BRWD3: variants seen among roughly 807,000 people sequenced by gnomAD.
BRWD3 encodes bromodomain and WD repeat-containing protein 3.
BRWD3 carries 10 observed loss-of-function variants against 149.7 expected under a neutral mutation model. The ratio of observed to expected loss-of-function variants is 0.07; its 90% CI spans 0.04 to 0.11. The LOEUF is 0.11. Among genes scored for constraint, BRWD3 ranks in the 10% least tolerant of loss-of-function variants. The pLI is 1.00. For missense variants in BRWD3, 940 were observed against 1,373.2 expected (o/e 0.68, Z 4.99); for synonymous variants, 504 against 456.7 (o/e 1.10, Z -1.32).
intron 6 of BRWD3, among the ~76,000 whole-genome samples, chrX:80,760,531 G>A (rs1280640290): frequency 1.8e-5 from 2 of 111,782 alleles, no homozygotes; most frequent in Non-Finnish European, 3.8e-5. Flanking sequence ...ACAGGAAAAT[G>A]CCATTTGAAG....
chrX:80,779,245 G>A (rs2074032377), intron 6 of BRWD3, among the ~76,000 whole-genome samples: 1 of 111,086 alleles, frequency 9.0e-6, no homozygotes, highest in Admixed American at 9.6e-5. Flanking sequence ...AACCCAGGAG[G>A]TGAAGGTTGC....
chrX:80,708,444 G>C (rs1158538802), intron 21 of BRWD3, among the ~76,000 whole-genome samples: 2 of 78,007 alleles, frequency 2.6e-5, no homozygotes, highest in Non-Finnish European at 4.7e-5. Context: ...CCTGAATAGT[G>C]ATAATTCTTT....
rs1463455854 is a variant in BRWD3, at chrX:80,676,486, T to A, written c.*123A>T. 30 of 878,344 alleles carry A rather than the reference T, an allele frequency of 3.4e-5. No homozygotes were observed. The highest frequency in any genetic ancestry group is 4.8e-6 in the Non-Finnish European group (3 of 623,138). The allele number at this position is 878,344 out of a possible 1,213,427, so 72.4% of individuals were successfully genotyped here. On this transcript the variant is annotated 3_prime_UTR_variant, in exon 41 of 41. Coordinates refer to ENST00000373275, the MANE Select transcript of BRWD3 (RefSeq NM_153252.5). ...TGAAACAAATGTATACTGGCATAAA[T>A]GGAAAAGCACCAATGTGAAAGGAAG...
chrX:80,751,711 C>A (rs2073669559), intron 6 of BRWD3, among the ~76,000 whole-genome samples: 1 of 110,441 alleles, frequency 9.1e-6, no homozygotes, highest in Non-Finnish European at 1.9e-5. Flanking sequence ...ACATCCATTC[C>A]CCTCCCACAG....
chrX:80,797,821 T>A (rs1451098031), intron 4 of BRWD3, among the ~76,000 whole-genome samples: 1 of 111,300 alleles, frequency 9.0e-6, no homozygotes, highest in Non-Finnish European at 1.9e-5. Flanking sequence ...TATGGCCGGG[T>A]GCAGTGGCTC....
chrX:80,712,829 T>C (rs2073003320), intron 20 of BRWD3, among the ~76,000 whole-genome samples: 1 of 102,954 alleles, frequency 9.7e-6, no homozygotes, highest in East Asian at 3.2e-4. Flanking sequence ...GGAGCGTCTC[T>C]GCCCAGCCGC....
At chrX:80,747,976 C>T (rs2073616141) in intron 6 of BRWD3, among the ~76,000 whole-genome samples, 2 of 111,291 alleles carry the variant, frequency 1.8e-5, no homozygotes, top group Non-Finnish European at 3.8e-5. Context: ...CTGGCTCAGA[C>T]TTCCTGTGCT....
At chrX:80,770,592 G>A (rs753344831) in intron 6 of BRWD3, among the ~76,000 whole-genome samples, 22 of 111,355 alleles carry the variant, frequency 2.0e-4, no homozygotes, top group South Asian at 3.8e-4. Flanking sequence ...GGTACTGATC[G>A]AACGTATTTC....
intron 6 of BRWD3, among the ~76,000 whole-genome samples, chrX:80,749,654 A>C (rs1310366097): frequency 9.0e-6 from 1 of 110,845 alleles, no homozygotes; most frequent in Non-Finnish European, 1.9e-5. Flanking sequence ...AATGTCAAAA[A>C]TGTCCATTCT....
Position 80,693,041 on chromosome X carries a change from G to A in BRWD3, c.3162C>T (p.Phe1054=). 1 of 1,198,244 alleles carries A rather than the reference G, an allele frequency of 8.3e-7. No homozygotes were observed. Residue 1054 remains phenylalanine, a synonymous_variant, in exon 28 of 41, where the codon TTC becomes TTT. Coordinates refer to ENST00000373275, the MANE Select transcript of BRWD3 (RefSeq NM_153252.5). ...ACCAGGCGTCATCTATTATACTGCG[G>A]AATCTATCACCTATAATGTTTTAAA... The part of the protein sequence containing the change: ...KERNWQIGDR[F]RSIIDDAWWF...
chrX:80,693,221 A>G (rs2072635489), intron 27 of BRWD3, among the ~76,000 whole-genome samples, 170 bp from the exon 28 acceptor site: 1 of 112,109 alleles, frequency 8.9e-6, no homozygotes, highest in African/African-American at 3.2e-5. Flanking sequence ...CTCTTTATGT[A>G]TTTTGATTTC....
chrX:80,690,970 A>G, intron 31 of BRWD3, 83 bp downstream of exon 31: 1 of 1,077,678 alleles, frequency 9.3e-7, no homozygotes, highest in Non-Finnish European at 1.3e-6. Context: ...ATCATGTTAT[A>G]CTATGGAAAT....
intron 4 of BRWD3, among the ~76,000 whole-genome samples, chrX:80,800,799 T>C (rs1251627909): frequency 9.0e-6 from 1 of 111,396 alleles, no homozygotes; most frequent in Non-Finnish European, 1.9e-5. Flanking sequence ...CTAGTTGCTC[T>C]TACAAAATGT....
At chrX:80,754,651 T>C (rs978696953) in intron 6 of BRWD3, among the ~76,000 whole-genome samples, 1 of 112,241 alleles carries the variant, frequency 8.9e-6, no homozygotes, top group Non-Finnish European at 1.9e-5. Context: ...TTATCATACA[T>C]GCCCTTTATT....
rs939185547 is a variant in BRWD3 at position 80,676,945 on chromosome X, G to A, written c.5073C>T (p.Gly1691=). 8 of 1,197,513 alleles carry A rather than the reference G, an allele frequency of 6.7e-6. No individual in the cohort carries two copies. Among genetic ancestry groups the A allele is most frequent in the Non-Finnish European group, 9.0e-6 (8 of 885,571 alleles). Residue 1691 remains glycine (G), a synonymous_variant, in exon 41 of 41, where the codon GGC becomes GGT. Transcript: ENST00000373275. The part of the protein sequence containing the change: ...RWSRGGRGRG[G]RGRGSRGRGG... Reference sequence around the variant, plus strand: ...CTCTTCCTCGACTCCCTCGTCCCCTGCCTCCTCTTCCTCTGCCTCCTCTAC... The same window carrying A: ...CTCTTCCTCGACTCCCTCGTCCCCTACCTCCTCTTCCTCTGCCTCCTCTAC...
At chrX:80,752,051 C>T (rs1229215628) in intron 6 of BRWD3, among the ~76,000 whole-genome samples, 2 of 105,103 alleles carry the variant, frequency 1.9e-5, no homozygotes, top group South Asian at 4.3e-4. Context: ...CTTGCTTTGT[C>T]GCCCAGGCTG....
At chrX:80,772,924 A>G (rs1255972239) in intron 6 of BRWD3, among the ~76,000 whole-genome samples, 1 of 112,316 alleles carries the variant, frequency 8.9e-6, no homozygotes, top group East Asian at 2.8e-4. Flanking sequence ...AGGAATGAAT[A>G]CTGACACTTG....
chrX:80,676,598 T>C lies in BRWD3; in HGVS notation c.*11A>G, dbSNP rs990826575. The C allele has an allele frequency of 8.3e-7, 1 of 1,209,535 alleles. No homozygotes were observed. Among genetic ancestry groups the C allele is most frequent in the South Asian group, 1.8e-5 (1 of 56,783 alleles). ...ATTGAATTTTTTAAGTTATTCTAAA[T>C]TTATTAACTGTTAATAATTCCATCC... On this transcript the variant is annotated 3_prime_UTR_variant, in exon 41 of 41. Transcript: ENST00000373275.
chrX:80,758,739 A>T (rs2073771701), intron 6 of BRWD3, among the ~76,000 whole-genome samples: 1 of 111,111 alleles, frequency 9.0e-6, no homozygotes, highest in Non-Finnish European at 1.9e-5. Context: ...CTGTGTGGGA[A>T]TAGCCACTGC....
Sources: gnomAD v4.1 joint callset for allele counts (sites outside exome capture counted in the v4.1 genomes callset) on GRCh38, gnomAD v4.1.1 for gene constraint, MANE v1.5 for transcripts, NCBI Gene and HGNC (gene_info 2026-07-23, HGNC 2026-07-21) for gene names.